Variants in DLG2 observed in about 807,000 individuals in gnomAD.
The protein encoded by DLG2 is discs large MAGUK scaffold protein 2.
Under a neutral mutation model 132.5 loss-of-function variants are expected in DLG2, and 45 were observed. The ratio of observed to expected loss-of-function variants is 0.34; its 90% CI spans 0.27 to 0.44. DLG2 has a LOEUF of 0.44. Ranked by LOEUF, DLG2 falls within the 20% of genes least tolerant of loss-of-function variation. The pLI, the probability that DLG2 is intolerant of heterozygous loss-of-function variation, is 1.00. For synonymous variants in DLG2, 424 were observed against 419.6 expected, an observed-to-expected ratio of 1.01 and a Z score of -0.13; for missense variants, 1,045 against 1,196.9, an observed-to-expected ratio of 0.87 and a Z score of 1.87.
At chr11:83,501,819 T>C (rs1327260495) in intron 21 of DLG2, among the ~76,000 whole-genome samples, 1 of 152,202 alleles carries the variant, frequency 6.6e-6, no homozygotes, top group Non-Finnish European at 1.5e-5. Context: ...ACTAAGTACA[T>C]ATCACCACAT....
At chr11:84,352,557 A>G (rs914550655) in intron 7 of DLG2, among the ~76,000 whole-genome samples, 1 of 152,326 alleles carries the variant, frequency 6.6e-6, no homozygotes, top group East Asian at 1.9e-4. Flanking sequence ...GTGAGCCACA[A>G]AAAAAGATTC....
chr11:84,476,226 A>C (rs74876084), intron 7 of DLG2, among the ~76,000 whole-genome samples: 2,491 of 152,228 alleles, frequency 0.016, 78 homozygotes, highest in African/African-American at 0.057. Flanking sequence ...TCTGACTCTA[A>C]CATCTCCCCA....
At chr11:84,601,472 T>G (rs78214932) in intron 6 of DLG2, among the ~76,000 whole-genome samples, 10,706 of 152,156 alleles carry the variant, frequency 0.07, 438 homozygotes, top group South Asian at 0.1. Context: ...TTATTCTAAG[T>G]AATCAAAAGA....
chr11:85,331,703 C>G (rs750383809), intron 3 of DLG2, among the ~76,000 whole-genome samples: 27 of 152,098 alleles, frequency 1.8e-4, no homozygotes, highest in Non-Finnish European at 3.4e-4. Flanking sequence ...TCTGCATATA[C>G]GTGAAAACAT....
chr11:85,440,028 AT>A (rs1289965380), intron 3 of DLG2, among the ~76,000 whole-genome samples: 1 of 152,194 alleles, frequency 6.6e-6, no homozygotes, highest in African/African-American at 2.4e-5. Context: ...CTCTTACTAT[AT>A]GGCTTAGGTA....
At chr11:85,127,592 A>G (rs1007581091) in intron 5 of DLG2, among the ~76,000 whole-genome samples, 10 of 152,186 alleles carry the variant, frequency 6.6e-5, no homozygotes, top group Non-Finnish European at 1.5e-4. Flanking sequence ...TGTCAAGTGC[A>G]TAGTAAGCAT....
chr11:85,237,117 G>C (rs2075628296), intron 4 of DLG2, among the ~76,000 whole-genome samples: 1 of 152,036 alleles, frequency 6.6e-6, no homozygotes, highest in Non-Finnish European at 1.5e-5. Flanking sequence ...ATACGCCACT[G>C]ATTAAGCGAA....
At chr11:85,237,061 C>T (rs1317674167) in intron 4 of DLG2, among the ~76,000 whole-genome samples, 4 of 152,056 alleles carry the variant, frequency 2.6e-5, no homozygotes, top group African/African-American at 9.7e-5. Flanking sequence ...AATCTGCACA[C>T]ATGAACACTT....
At chr11:84,270,465 T>G (rs372146872) in intron 7 of DLG2, among the ~76,000 whole-genome samples, 2 of 152,190 alleles carry the variant, frequency 1.3e-5, no homozygotes, top group East Asian at 3.9e-4. Flanking sequence ...TGAAGACTGT[T>G]TTGAGCAGCA....
intron 4 of DLG2, among the ~76,000 whole-genome samples, chr11:85,227,773 T>C (rs766918956): frequency 1.3e-5 from 2 of 152,074 alleles, no homozygotes; most frequent in Non-Finnish European, 1.5e-5. Context: ...ATGATGTAGC[T>C]TCCTACCACC....
At chr11:85,539,006 A>T (rs2075791958) in intron 3 of DLG2, among the ~76,000 whole-genome samples, 1 of 151,840 alleles carries the variant, frequency 6.6e-6, no homozygotes, top group African/African-American at 2.4e-5. Context: ...ATTAAATTAC[A>T]TTTTTTTAAA....
At chr11:84,708,559 T>G (rs1301334460) in intron 6 of DLG2, among the ~76,000 whole-genome samples, 2 of 151,798 alleles carry the variant, frequency 1.3e-5, no homozygotes, top group African/African-American at 4.8e-5. Flanking sequence ...TTGCAAACTT[T>G]TCAAGATAAA....
chr11:85,364,455 G>A (rs1023916369), intron 3 of DLG2, among the ~76,000 whole-genome samples: 1 of 152,130 alleles, frequency 6.6e-6, no homozygotes, highest in African/African-American at 2.4e-5. Flanking sequence ...TCGTCACTGT[G>A]GGTGACAGAG....
chr11:84,762,534 G>A (rs991702077), intron 6 of DLG2, among the ~76,000 whole-genome samples: 7 of 152,142 alleles, frequency 4.6e-5, no homozygotes, highest in African/African-American at 1.7e-4. Context: ...ATTCATATCA[G>A]TTAATATAGT....
chr11:84,424,781 T>C (rs1375127831), intron 7 of DLG2, among the ~76,000 whole-genome samples: 1 of 152,136 alleles, frequency 6.6e-6, no homozygotes, highest in Non-Finnish European at 1.5e-5. Flanking sequence ...AAGAATGTAA[T>C]CAAAGCACGT....
At chr11:85,393,655 G>GTA (rs2087013083) in intron 3 of DLG2, among the ~76,000 whole-genome samples, 1 of 151,616 alleles carries the variant, frequency 6.6e-6, no homozygotes. Flanking sequence ...GTGTGTGTGT[G>GTA]TGTGTGTATT....
At chr11:84,858,405 G>A (rs183709738) in intron 6 of DLG2, among the ~76,000 whole-genome samples, 2 of 152,142 alleles carry the variant, frequency 1.3e-5, no homozygotes, top group African/African-American at 2.4e-5. Context: ...TGGGAAGATG[G>A]TAGAGTGAGA....
At chr11:84,010,648 T>C (rs1352859414) in intron 11 of DLG2, among the ~76,000 whole-genome samples, 1 of 152,044 alleles carries the variant, frequency 6.6e-6, no homozygotes, top group South Asian at 2.1e-4. Context: ...CTAGGAAAAG[T>C]CCTAGCTCCT....
At chr11:84,676,647 G>A (rs2099711719) in intron 6 of DLG2, among the ~76,000 whole-genome samples, 1 of 152,084 alleles carries the variant, frequency 6.6e-6, no homozygotes. Context: ...TACTTTATGT[G>A]AAGCAACGTG....
Sources: allele counts gnomAD v4.1 joint callset (sites outside exome capture counted in the v4.1 genomes callset), GRCh38; gene constraint gnomAD v4.1.1; transcripts MANE v1.5; gene names NCBI Gene and HGNC (gene_info 2026-07-23, HGNC 2026-07-21).